TAT: variants seen among roughly 807,000 people sequenced by gnomAD.
TAT encodes the protein tyrosine aminotransferase.
Under a neutral mutation model 53.6 loss-of-function variants are expected in TAT, and 35 were observed. The ratio of observed to expected loss-of-function variants is 0.65; its 90% CI spans 0.50 to 0.87. The LOEUF is 0.87. Among genes scored for constraint, TAT ranks in the 40% least tolerant of loss-of-function variants. The pLI is 0.00. For synonymous variants in TAT, 197 were observed against 206.5 expected (o/e 0.95, Z 0.39); for missense variants, 525 against 571.8 (o/e 0.92, Z 0.83).
Position 71,575,333 on chromosome 16 carries a change from G to A in TAT, c.340+589C>T, listed in dbSNP as rs563325592. Reference sequence around the variant, plus strand: ...TCAGGGTAGAAATTTTTAATAGATGGAGAGAAACCTAAAAAGGAGTAATTT... The same window carrying A: ...TCAGGGTAGAAATTTTTAATAGATGAAGAGAAACCTAAAAAGGAGTAATTT... On this transcript the variant is annotated intron_variant, in intron 3 of 11. Transcript: ENST00000355962. 2.1e-4 allele frequency: 33 copies of A among 155,052 alleles called. No individual in the cohort carries two copies. The South Asian group carries it at 6.5e-3, about 31-fold the overall frequency. 9.6% of individuals were successfully genotyped at this position (155,052 alleles called of 1,614,324 possible). A position where few individuals can be genotyped will look rare whatever the true frequency, so the allele number is the denominator to read the frequency against.
chr16:71,570,495 G>A, intron 8 of TAT, 98 bp from the exon 9 acceptor site: 1 of 1,601,862 alleles, frequency 6.2e-7, no homozygotes, highest in South Asian at 1.1e-5. Context: ...TTTTAATCTT[G>A]GAAAGTGATG....
At chr16:71,572,989 T>C (rs1332996973) in intron 4 of TAT, among the ~76,000 whole-genome samples, 1 of 152,186 alleles carries the variant, frequency 6.6e-6, no homozygotes, top group Non-Finnish European at 1.5e-5. Context: ...TGGCCAGAGA[T>C]TTGAAGCCTG....
At position 71,568,632 on chromosome 16, in the gene TAT, C is replaced by T. The variant is rs539530836; in HGVS notation, c.1224+79G>A. On this transcript the variant is annotated intron_variant, in intron 11 of 11. Coordinates refer to ENST00000355962, the MANE Select transcript of TAT (RefSeq NM_000353.3). ...GACATTTTGTTGGAGGAGAAAAGAT[C>T]AGGCTAAAAACCAGCTCAGAACTTG... is the stretch of plus-strand genomic sequence containing the variant. The T allele has an allele frequency of 7.5e-6, 8 of 1,073,424 alleles. No individual in the cohort carries two copies. In the South Asian group the frequency reaches 1.1e-4, roughly 14 times the overall value. 66.5% of individuals were successfully genotyped at this position (1,073,424 alleles called of 1,614,324 possible). A position where few individuals can be genotyped will look rare whatever the true frequency, so the allele number is the denominator to read the frequency against.
At chr16:71,573,453 C>G in intron 4 of TAT, 86 bp downstream of exon 4, 1 of 1,267,038 alleles carries the variant, frequency 7.9e-7, no homozygotes, top group Non-Finnish European at 1.1e-6. Context: ...CCCTCTGACA[C>G]CCGTACTTCT....
rs1008385018 is a variant in TAT at position 71,570,957 on chromosome 16, A to G, written c.760-126T>C. On this transcript the variant is annotated intron_variant, in intron 7 of 11. Coordinates refer to ENST00000355962, the MANE Select transcript of TAT (RefSeq NM_000353.3). ...TCCTTGGATTAATGGGATCATCCCT[A>G]CCCTGAAGCATGACTGGGATTGCAA... is the stretch of plus-strand genomic sequence containing the variant. The G allele has an allele frequency of 2.4e-5, 28 of 1,182,344 alleles. 1 individual carries two copies. In the Admixed American group the frequency reaches 5.2e-4, roughly 22 times the overall value. The allele number at this position is 1,182,344 out of a possible 1,614,324, so 73.2% of individuals were successfully genotyped here.
intron 6 of TAT, 102 bp downstream of exon 6, chr16:71,572,084 C>T: frequency 6.6e-7 from 1 of 1,506,550 alleles, no homozygotes; most frequent in Non-Finnish European, 9.2e-7. Flanking sequence ...CCCACCTCCA[C>T]CCCAGGCTTG....
chr16:71,575,447 C>T (rs546234318), intron 3 of TAT: 35 of 167,198 alleles, frequency 2.1e-4, no homozygotes, highest in Admixed American at 7.8e-4. Context: ...TGTTTAAACC[C>T]GTTAGTCATA....
Position 71,568,084 on chromosome 16 carries a change from C to T in TAT, c.*60G>A, listed in dbSNP as rs74027254. The T allele has an allele frequency of 1.2e-5, 19 of 1,610,120 alleles. 1 individual carries two copies. Among genetic ancestry groups the T allele is most frequent in the South Asian group, 8.8e-5 (8 of 90,866 alleles). ...AGGGCCACCTGAGTCCCTGAGGAGC[C>T]GCAAGGCCTAGTCCAGCCTTCCCTA... On this transcript the variant is annotated 3_prime_UTR_variant, in exon 12 of 12. Transcript: ENST00000355962.
rs761596094 is a variant in TAT at position 71,576,186 on chromosome 16, G to A, written c.230C>T (p.Ser77Phe). 6.2e-7 allele frequency: 1 copy of A among 1,613,920 alleles called. No homozygotes were observed. The highest frequency in any genetic ancestry group is 8.5e-7 in the Non-Finnish European group (1 of 1,179,890). Residue 77 changes from serine (S) to phenylalanine (F), a missense_variant, in exon 2 of 12, where the codon TCC becomes TTC. Coordinates refer to ENST00000355962, the MANE Select transcript of TAT (RefSeq NM_000353.3). ...CAGTAGTGTCCCCAACTCACCAATGGACAGGGAAATCATGGTTTTGTTTGG... is the reference window on the plus strand; with the variant it reads ...CAGTAGTGTCCCCAACTCACCAATGAACAGGGAAATCATGGTTTTGTTTGG... ...PNPNKTMISLSIGDPTVFGNL... is the reference protein window; with the variant it reads ...PNPNKTMISLFIGDPTVFGNL...
At chr16:71,574,416 A>T (rs1386356100) in intron 3 of TAT, among the ~76,000 whole-genome samples, 1 of 152,074 alleles carries the variant, frequency 6.6e-6, no homozygotes, top group African/African-American at 2.4e-5. Flanking sequence ...TCTCATCTCT[A>T]CTAAAAATAC....
rs1400528245 is a variant in TAT at position 71,575,938 on chromosome 16, G to A, written c.324C>T (p.Gly108=). The change falls in exon 3 of 12, where the codon GGC becomes GGT. Residue 108 remains glycine (G), a synonymous_variant. Transcript: ENST00000355962. ...GGAGCTTACCGATGGATGGGGCATA[G>A]CCATTATATTTGCCCGAGTCCAGGG... The part of the protein sequence containing the change: ...KDALDSGKYN[G]YAPSIGFLSS... The A allele has an allele frequency of 2.5e-6, 4 of 1,614,190 alleles. No homozygotes were observed. In the Admixed American group the frequency reaches 6.7e-5, roughly 27 times the overall value.
chr16:71,575,749 T>C, intron 3 of TAT, 173 bp downstream of exon 3: 1 of 710,016 alleles, frequency 1.4e-6, no homozygotes, highest in Non-Finnish European at 2.5e-6. Flanking sequence ...CTTGATGCCT[T>C]GTATTTAAGC....
At chr16:71,573,428 G>A in intron 4 of TAT, 111 bp downstream of exon 4, 1 of 989,758 alleles carries the variant, frequency 1.0e-6, no homozygotes, top group South Asian at 1.4e-5. Flanking sequence ...AAGGGAAATT[G>A]TTCTCAGCTT....
In TAT at chr16:71,567,089, T is replaced by C. The variant is rs886052265; in HGVS notation, c.*1055A>G. On this transcript the variant is annotated 3_prime_UTR_variant, in exon 12 of 12. Transcript: ENST00000355962. ...GAAGGTCTCTGATTCCTGCTTGCTC[T>C]AGTACAGGCGTGCTCTCACTTTAAG... 2 of 152,238 alleles carry C rather than the reference T, an allele frequency of 1.3e-5. No homozygotes were observed. Among genetic ancestry groups the C allele is most frequent in the African/African-American group, 2.4e-5 (1 of 41,462 alleles). The allele number at this position is 152,238 out of a possible 1,614,324, so 9.4% of individuals were successfully genotyped here.
chr16:71,570,610 T>A (rs2044195883), intron 8 of TAT, 69 bp downstream of exon 8: 1 of 1,609,410 alleles, frequency 6.2e-7, no homozygotes, highest in Non-Finnish European at 8.5e-7. Context: ...AAAGCCTCCC[T>A]TGTCCCCACT....
chr16:71,573,868 A>G (rs532572044), intron 3 of TAT, among the ~76,000 whole-genome samples: 1 of 151,414 alleles, frequency 6.6e-6, no homozygotes, highest in South Asian at 2.1e-4. Context: ...TTTTGTAGAG[A>G]CAGAATCTCC....
At chr16:71,576,147 C>A (rs757905655) in intron 2 of TAT, 34 bp downstream of exon 2, 2 of 1,610,776 alleles carry the variant, frequency 1.2e-6, no homozygotes, top group Non-Finnish European at 1.7e-6. Flanking sequence ...TAGAGGAGGA[C>A]AATGACAGCC....
chr16:71,567,050 C>A lies in TAT; in HGVS notation c.*1094G>T, dbSNP rs1479636245. 6.6e-6 allele frequency: 1 copy of A among 152,182 alleles called. No homozygotes were observed. The highest frequency in any genetic ancestry group is 1.5e-5 in the Non-Finnish European group (1 of 68,042). The allele number at this position is 152,182 out of a possible 1,614,324, so 9.4% of individuals were successfully genotyped here. ...AGTGAAGATATTTCTGGCCCTTACA[C>A]AGTAGTATTTCTGGAAGGTCTCTGA... On this transcript the variant is annotated 3_prime_UTR_variant, in exon 12 of 12. Coordinates refer to ENST00000355962, the MANE Select transcript of TAT (RefSeq NM_000353.3).
At position 71,570,306 on chromosome 16, in the gene TAT, G is replaced by A. The variant is rs747367241; in HGVS notation, c.1004C>T (p.Pro335Leu). Reference protein sequence around the residue: ...GALKSILCRTPGEFYHNTLSF... With the variant: ...GALKSILCRTLGEFYHNTLSF... ...CAGAGTGTTGTGGTAAAACTCTCCC[G>A]GGGTGCGACATAGGATGCTTTTCAG... The change falls in exon 9 of 12, where the codon CCG (proline) becomes CTG (leucine). Residue 335 changes from proline (P) to leucine (L), a missense_variant. Coordinates refer to ENST00000355962, the MANE Select transcript of TAT (RefSeq NM_000353.3). The A allele has an allele frequency of 7.4e-5, 119 of 1,614,002 alleles. No homozygotes were observed. The highest frequency in any genetic ancestry group is 9.3e-5 in the Non-Finnish European group (110 of 1,180,024).
Sources: allele counts gnomAD v4.1 joint callset (sites outside exome capture counted in the v4.1 genomes callset), GRCh38; gene constraint gnomAD v4.1.1; transcripts MANE v1.5; gene names NCBI Gene and HGNC (gene_info 2026-07-23, HGNC 2026-07-21).